Variants in RSPO2 observed in about 807,000 individuals in gnomAD.
RSPO2 encodes the protein R-spondin 2.
A neutral mutation model predicts 30.9 loss-of-function variants in RSPO2; 14 were observed. That is an observed-to-expected ratio of 0.45 (90% CI 0.30 to 0.71). The LOEUF (loss-of-function observed/expected upper bound fraction) is 0.71, where lower values mean the gene tolerates loss of function less well. Ranked by LOEUF, RSPO2 falls within the 30% of genes least tolerant of loss-of-function variation. The pLI, the probability that RSPO2 is intolerant of heterozygous loss-of-function variation, is 0.08. For missense variants in RSPO2, 264 were observed against 301.9 expected, an observed-to-expected ratio of 0.87 and a Z score of 0.93; for synonymous variants, 107 against 96.4, an observed-to-expected ratio of 1.11 and a Z score of -0.64.
chr8:108,013,238 T>G (rs779542759), intron 2 of RSPO2, among the ~76,000 whole-genome samples: 1 of 151,636 alleles, frequency 6.6e-6, no homozygotes, highest in Non-Finnish European at 1.5e-5. Context: ...CTCATGTTTA[T>G]AGATTTGCTC....
At chr8:107,986,599 A>T (rs1373054974) in intron 3 of RSPO2, among the ~76,000 whole-genome samples, 1 of 152,212 alleles carries the variant, frequency 6.6e-6, no homozygotes, top group Non-Finnish European at 1.5e-5. Context: ...CCTGGTTTAC[A>T]TCCAATATCC....
chr8:107,927,792 G>A (rs1417593534), intron 5 of RSPO2, among the ~76,000 whole-genome samples: 3 of 151,204 alleles, frequency 2.0e-5, no homozygotes, highest in East Asian at 2.0e-4. Context: ...TGCTGGATTC[G>A]GTTTTCCAGT....
chr8:107,944,803 A>G (rs1427852028), intron 5 of RSPO2, among the ~76,000 whole-genome samples: 2 of 152,188 alleles, frequency 1.3e-5, no homozygotes, highest in African/African-American at 4.8e-5. Flanking sequence ...TTCTGTTTTT[A>G]TAGGAAGACA....
At chr8:108,036,465 G>C (rs1398174892) in intron 2 of RSPO2, among the ~76,000 whole-genome samples, 1 of 152,174 alleles carries the variant, frequency 6.6e-6, no homozygotes, top group Non-Finnish European at 1.5e-5. Flanking sequence ...GTCAAGACCT[G>C]AACTGTCATT....
At chr8:108,068,402 A>G (rs1462600974) in intron 2 of RSPO2, among the ~76,000 whole-genome samples, 1 of 152,122 alleles carries the variant, frequency 6.6e-6, no homozygotes. Context: ...CAGTGATCCT[A>G]CCTCTACTAA....
intron 2 of RSPO2, among the ~76,000 whole-genome samples, chr8:108,052,662 CA>C (rs1173711286): frequency 1.3e-5 from 2 of 152,212 alleles, no homozygotes; most frequent in African/African-American, 4.8e-5. Context: ...TGCCATGTTC[CA>C]AGGGCTCGGC....
intron 2 of RSPO2, among the ~76,000 whole-genome samples, chr8:108,051,938 T>C (rs529870893): frequency 1.3e-5 from 2 of 152,332 alleles, no homozygotes; most frequent in Admixed American, 1.3e-4. Context: ...TCCATCCTAG[T>C]TCATTGGTAA....
intron 2 of RSPO2, among the ~76,000 whole-genome samples, chr8:108,032,032 C>T (rs1411543516): frequency 1.3e-5 from 2 of 152,176 alleles, no homozygotes; most frequent in African/African-American, 4.8e-5. Flanking sequence ...GTAGCTACAG[C>T]TACAGCTATG....
chr8:107,960,796 T>A lies in RSPO2; in HGVS notation c.305A>T (p.Asp102Val), dbSNP rs769378904. 6.2e-7 allele frequency: 1 copy of A among 1,605,358 alleles called. No homozygotes were observed. Among genetic ancestry groups the A allele is most frequent in the East Asian group, 2.2e-5 (1 of 44,732 alleles). Residue 102 changes from aspartate (D) to valine (V), a missense_variant, in exon 4 of 6, where the codon GAT becomes GTT. Asp to Val is a radical substitution (Grantham distance 152). Transcript: ENST00000276659. Reference sequence around the variant, plus strand: ...ACAAAAGTCTTTGCTAAAGCAAGAATCACAGTTTTCTATTCTGCATCCTAA... The same window carrying A: ...ACAAAAGTCTTTGCTAAAGCAAGAAACACAGTTTTCTATTCTGCATCCTAA... Reference protein sequence around the residue: ...RCARCRIENCDSCFSKDFCTK... With the variant: ...RCARCRIENCVSCFSKDFCTK...
chr8:108,063,444 G>A (rs1024673864), intron 2 of RSPO2, among the ~76,000 whole-genome samples: 5 of 151,728 alleles, frequency 3.3e-5, no homozygotes, highest in African/African-American at 4.9e-5. Context: ...GCTTCAAAGA[G>A]AATAAAATGC....
At chr8:108,067,837 C>T (rs561325508) in intron 2 of RSPO2, among the ~76,000 whole-genome samples, 14 of 152,226 alleles carry the variant, frequency 9.2e-5, no homozygotes, top group African/African-American at 3.4e-4. Context: ...ACCTGTAATC[C>T]CAGCATTTTG....
intron 3 of RSPO2, among the ~76,000 whole-genome samples, chr8:107,984,799 A>G (rs1287022499): frequency 6.6e-6 from 1 of 152,178 alleles, no homozygotes; most frequent in African/African-American, 2.4e-5. Context: ...ATAATGTTTT[A>G]TATGTGTTTT....
intron 2 of RSPO2, among the ~76,000 whole-genome samples, chr8:108,003,534 T>C (rs1815352611): frequency 6.6e-6 from 1 of 151,568 alleles, no homozygotes; most frequent in African/African-American, 2.4e-5. Context: ...GCTTTGTTGA[T>C]TTGCTAACTT....
chr8:108,080,441 A>G (rs953094084), intron 2 of RSPO2, among the ~76,000 whole-genome samples: 1 of 152,220 alleles, frequency 6.6e-6, no homozygotes, highest in Admixed American at 6.5e-5. Flanking sequence ...ATAAGTTACT[A>G]TTGCACAATT....
chr8:108,040,983 T>C (rs572778677), intron 2 of RSPO2, among the ~76,000 whole-genome samples: 3 of 152,264 alleles, frequency 2.0e-5, no homozygotes, highest in Admixed American at 2.0e-4. Flanking sequence ...CATGGGTTTT[T>C]ACATTTGTTT....
chr8:108,006,468 G>A (rs1815454618), intron 2 of RSPO2, among the ~76,000 whole-genome samples: 1 of 151,968 alleles, frequency 6.6e-6, no homozygotes, highest in East Asian at 1.9e-4. Context: ...TTTTTGGTCT[G>A]TTAAAAATAG....
At chr8:108,079,885 A>G (rs961780040) in intron 2 of RSPO2, among the ~76,000 whole-genome samples, 6 of 152,170 alleles carry the variant, frequency 3.9e-5, no homozygotes, top group Middle Eastern at 3.2e-3. Flanking sequence ...AACAAAGGGG[A>G]AAAAGGGAAA....
At chr8:107,945,524 A>C (rs2130388992) in intron 5 of RSPO2, among the ~76,000 whole-genome samples, 1 of 152,196 alleles carries the variant, frequency 6.6e-6, no homozygotes, top group Non-Finnish European at 1.5e-5. Flanking sequence ...CTGGGATTAC[A>C]GGCATGAGCC....
chr8:107,979,712 G>A (rs898700650), intron 3 of RSPO2, among the ~76,000 whole-genome samples: 4 of 151,476 alleles, frequency 2.6e-5, no homozygotes, highest in African/African-American at 9.7e-5. Context: ...AGTCATTGAG[G>A]TCTCTTCCCT....
Sources: allele counts gnomAD v4.1 joint callset (sites outside exome capture counted in the v4.1 genomes callset), GRCh38; gene constraint gnomAD v4.1.1; transcripts MANE v1.5; gene names NCBI Gene and HGNC (gene_info 2026-07-23, HGNC 2026-07-21).